RAP1GDS1: variants seen among roughly 807,000 people sequenced by gnomAD.
The protein encoded by RAP1GDS1 is Rap1 GTPase-GDP dissociation stimulator 1.
A neutral mutation model predicts 71.1 loss-of-function variants in RAP1GDS1; 35 were observed. The ratio of observed to expected loss-of-function variants is 0.49; its 90% CI spans 0.38 to 0.65. The LOEUF (loss-of-function observed/expected upper bound fraction) is 0.65. RAP1GDS1 is among the 30% of genes least tolerant of loss of function. The pLI, the probability that RAP1GDS1 is intolerant of heterozygous loss-of-function variation, is 0.00. For missense variants in RAP1GDS1, 663 were observed against 706.1 expected (o/e 0.94, Z 0.69); for synonymous variants, 229 against 243.1 (o/e 0.94, Z 0.54).
At chr4:98,368,487 T>C (rs762622761) in intron 4 of RAP1GDS1, among the ~76,000 whole-genome samples, 4 of 150,342 alleles carry the variant, frequency 2.7e-5, no homozygotes, top group African/African-American at 4.8e-5. Flanking sequence ...CAGGAAGTCA[T>C]AAATAAATGA....
intron 2 of RAP1GDS1, among the ~76,000 whole-genome samples, chr4:98,321,644 C>A (rs1293614860): frequency 6.7e-6 from 1 of 148,450 alleles, no homozygotes; most frequent in Non-Finnish European, 1.5e-5. Flanking sequence ...AATTTTCAAC[C>A]CAGAATTTCA....
intron 6 of RAP1GDS1, 89 bp from the exon 7 acceptor site, chr4:98,404,388 G>T: frequency 4.8e-6 from 6 of 1,249,176 alleles, no homozygotes; most frequent in Non-Finnish European, 5.5e-6. Flanking sequence ...GTATTTATCA[G>T]TAATGGTACA....
chr4:98,391,941 T>G lies in RAP1GDS1; in HGVS notation c.509-11T>G. On this transcript the variant is annotated splice_polypyrimidine_tract_variant and intron_variant, in intron 5 of 14. Transcript: ENST00000408927. ...TTCTTTTCTGTTGTTGTTTTTTTTT[T>G]GTTTTTACAGATTCGCTTCAAGCTC... 1.3e-6 allele frequency: 2 copies of G among 1,564,952 alleles called. No homozygotes were observed.
intron 3 of RAP1GDS1, among the ~76,000 whole-genome samples, chr4:98,350,008 A>G (rs1042962093): frequency 6.6e-6 from 1 of 152,218 alleles, no homozygotes; most frequent in Non-Finnish European, 1.5e-5. Flanking sequence ...AAAGCTGAGG[A>G]ATATATTAGC....
At chr4:98,314,250 A>G (rs771659657) in intron 2 of RAP1GDS1, among the ~76,000 whole-genome samples, 13 of 152,214 alleles carry the variant, frequency 8.5e-5, no homozygotes, top group African/African-American at 1.4e-4. Context: ...TGAAAAAACT[A>G]TAATCCAAGA....
At chr4:98,311,700 GA>G (rs1173737383) in intron 2 of RAP1GDS1, among the ~76,000 whole-genome samples, 4 of 152,214 alleles carry the variant, frequency 2.6e-5, no homozygotes, top group Non-Finnish European at 5.9e-5. Context: ...GCAGTAGTGG[GA>G]TCCATGCTCA....
chr4:98,383,804 A>T (rs960019707), intron 5 of RAP1GDS1, among the ~76,000 whole-genome samples: 3 of 151,600 alleles, frequency 2.0e-5, no homozygotes, highest in Non-Finnish European at 4.4e-5. Flanking sequence ...TCATAATTAA[A>T]AACTAAAAAG....
intron 2 of RAP1GDS1, among the ~76,000 whole-genome samples, chr4:98,324,766 C>T (rs1175762712): frequency 1.4e-5 from 2 of 145,668 alleles, no homozygotes; most frequent in Non-Finnish European, 3.0e-5. Flanking sequence ...ATACAAAAAT[C>T]AATTCAAGAT....
In RAP1GDS1 at chr4:98,266,907, T is replaced by C. The variant is rs573196394; in HGVS notation, c.4+5338T>C. 1.6e-4 allele frequency among the ~76,000 whole-genome samples: 25 copies of C among 152,260 alleles called. 1 individual carries two copies. In the South Asian group the frequency reaches 4.6e-3, roughly 28 times the overall value. ...CTCTCCAGAAATTCCTGATTGAACC[T>C]GAGATTGAACATAGCAATTCTGGAG... On this transcript the variant is annotated intron_variant, in intron 1 of 14. Transcript: ENST00000408927.
chr4:98,425,748 A>AAACAAGATAGACAGTAACAC (rs1253189517), intron 12 of RAP1GDS1, among the ~76,000 whole-genome samples: 2 of 152,172 alleles, frequency 1.3e-5, no homozygotes, highest in African/African-American at 2.4e-5. Context: ...TAGACCTAAG[A>AAACAAGATAGACAGTAACAC]AACAAGATAG....
intron 12 of RAP1GDS1, among the ~76,000 whole-genome samples, chr4:98,425,680 A>G (rs541315283): frequency 9.7e-4 from 147 of 152,288 alleles, no homozygotes; most frequent in African/African-American, 3.3e-3. Flanking sequence ...AAATATCACA[A>G]TCCTGAATAT....
intron 1 of RAP1GDS1, among the ~76,000 whole-genome samples, chr4:98,290,441 A>G (rs1011874330): frequency 1.3e-5 from 2 of 152,146 alleles, no homozygotes; most frequent in Admixed American, 6.6e-5. Context: ...ATATTAAAAC[A>G]GCATCACTTT....
rs536461716 is a variant in RAP1GDS1, at chr4:98,340,594, C to G, written c.113-2545C>G. Reference sequence around the variant, plus strand: ...AAAACCCCATCTCTACTAAAAAATACAAAAATTAGCTAGGCATTGGGGTGC... The same window carrying G: ...AAAACCCCATCTCTACTAAAAAATAGAAAAATTAGCTAGGCATTGGGGTGC... On this transcript the variant is annotated intron_variant, in intron 2 of 14. Coordinates refer to ENST00000408927, the MANE Select transcript of RAP1GDS1 (RefSeq NM_001100427.2). Among the ~76,000 whole-genome samples, 19 of 151,868 alleles carry G rather than the reference C, an allele frequency of 1.3e-4. No homozygotes were observed. The South Asian group carries it at 3.5e-3, about 28-fold the overall frequency.
At position 98,442,930 on chromosome 4, in the gene RAP1GDS1, A is replaced by AT. The variant is rs1225237968; in HGVS notation, c.*815dup. 1.7e-5 allele frequency: 4 copies of AT among 229,672 alleles called. No homozygotes were observed. The highest frequency in any genetic ancestry group is 4.5e-5 in the African/African-American group (2 of 44,694). The allele number at this position is 229,672 out of a possible 1,614,324, so 14.2% of individuals were successfully genotyped here. On this transcript the variant is annotated 3_prime_UTR_variant, in exon 15 of 15. Coordinates refer to ENST00000408927, the MANE Select transcript of RAP1GDS1 (RefSeq NM_001100427.2). ...GAACTACTTCTACCAGTTAATCAGCATTATCCAGCACTTGTCTTTAAAATT... is the reference window on the plus strand; with the variant it reads ...GAACTACTTCTACCAGTTAATCAGCATTTATCCAGCACTTGTCTTTAAAATT...
At position 98,442,037 on chromosome 4, in the gene RAP1GDS1, T is replaced by G; in HGVS notation, c.1744T>G (p.Ser582Ala). Residue 582 changes from serine to alanine, a missense_variant, in exon 15 of 15, where the codon TCC becomes GCC. Coordinates refer to ENST00000408927, the MANE Select transcript of RAP1GDS1 (RefSeq NM_001100427.2). ...VQDLAFLDVV[S>A]KLRSHENKSV... The stretch of plus-strand genomic sequence containing the variant: ...GGATTTGGCTTTTCTAGATGTCGTA[T>G]CCAAACTTCGCAGTCATGAGAACAA... 1 of 1,614,096 alleles carries G rather than the reference T, an allele frequency of 6.2e-7. No homozygotes were observed. Among genetic ancestry groups the G allele is most frequent in the Non-Finnish European group, 8.5e-7 (1 of 1,180,002 alleles).
rs554034305 is a variant in RAP1GDS1 at position 98,314,891 on chromosome 4, C to T, written c.112+21376C>T. ...TTTATAGGTATACCGTTGTTTTTTC[C>T]TTCTATCTAGCTTTTCTTCAAATCT... is the stretch of plus-strand genomic sequence containing the variant. On this transcript the variant is annotated intron_variant, in intron 2 of 14. Transcript: ENST00000408927. 6.6e-5 allele frequency among the ~76,000 whole-genome samples: 10 copies of T among 152,078 alleles called. No homozygotes were observed. The South Asian group carries it at 1.0e-3, about 16-fold the overall frequency.
intron 6 of RAP1GDS1, among the ~76,000 whole-genome samples, chr4:98,397,719 A>G (rs1201055745): frequency 6.6e-6 from 1 of 152,118 alleles, no homozygotes; most frequent in Non-Finnish European, 1.5e-5. Context: ...TTCCCCTTTC[A>G]CACCTTGTGA....
intron 3 of RAP1GDS1, among the ~76,000 whole-genome samples, chr4:98,346,973 A>G (rs1252376648): frequency 6.6e-6 from 1 of 152,248 alleles, no homozygotes; most frequent in Non-Finnish European, 1.5e-5. Context: ...GTTTTTCAAA[A>G]GAAAAATATA....
chr4:98,320,773 A>G (rs1265182489), intron 2 of RAP1GDS1, among the ~76,000 whole-genome samples: 13 of 149,036 alleles, frequency 8.7e-5, no homozygotes, highest in Non-Finnish European at 1.6e-4. Flanking sequence ...CCATCTGTAC[A>G]TCACCATCAT....
Sources: gnomAD v4.1 joint callset for allele counts (sites outside exome capture counted in the v4.1 genomes callset) on GRCh38, gnomAD v4.1.1 for gene constraint, MANE v1.5 for transcripts, NCBI Gene and HGNC (gene_info 2026-07-23, HGNC 2026-07-21) for gene names.